TBC1D5: variants seen among roughly 807,000 people sequenced by gnomAD.
TBC1D5 encodes the protein TBC1 domain family, member 5.
In TBC1D5, 75 loss-of-function variants were observed where a neutral mutation model predicts 100.3. That is an observed-to-expected ratio of 0.75 (90% CI 0.62 to 0.91). TBC1D5 has a LOEUF of 0.91. Ranked by LOEUF, TBC1D5 falls within the 40% of genes least tolerant of loss-of-function variation. TBC1D5 has a pLI of 0.00. For missense variants in TBC1D5, 910 were observed against 942.4 expected (o/e 0.97, Z 0.45); for synonymous variants, 323 against 325.6 (o/e 0.99, Z 0.09).
At chr3:17,163,264 C>A (rs978571525) in intron 21 of TBC1D5, among the ~76,000 whole-genome samples, 4 of 138,506 alleles carry the variant, frequency 2.9e-5, no homozygotes, top group Admixed American at 7.2e-5. Flanking sequence ...GACCCCCCCC[C>A]CTTCCTTGCC....
intron 2 of TBC1D5, among the ~76,000 whole-genome samples, chr3:17,557,868 C>T (rs186108524): frequency 6.6e-5 from 10 of 152,242 alleles, no homozygotes; most frequent in African/African-American, 2.2e-4. Flanking sequence ...CACAGCTACA[C>T]ACCAGAACAA....
In TBC1D5 at chr3:17,682,422, G is replaced by A. The variant is rs563489010; in HGVS notation, c.-101+56921C>T. Among the ~76,000 whole-genome samples the A allele has an allele frequency of 3.2e-3, 482 of 151,468 alleles. 3 individuals are homozygous for A. Among genetic ancestry groups the A allele is most frequent in the Non-Finnish European group, 5.2e-3 (354 of 67,998 alleles). ...GTCACCTTGAAAATAGGTTCCAAAA[G>A]CCATAAAACATCAGAGTTATCATTT... On this transcript the variant is annotated intron_variant, in intron 1 of 21. Coordinates refer to ENST00000253692, the Ensembl canonical transcript of TBC1D5.
chr3:17,393,606 G>C (rs2093420525), intron 8 of TBC1D5, among the ~76,000 whole-genome samples: 2 of 152,094 alleles, frequency 1.3e-5, no homozygotes, highest in South Asian at 4.1e-4. Flanking sequence ...AAACAGCATG[G>C]TACTGGTACC....
chr3:17,238,562 T>A (rs1041340475), intron 16 of TBC1D5, 143 bp from the exon 17 acceptor site: 30 of 944,910 alleles, frequency 3.2e-5, no homozygotes, highest in Non-Finnish European at 4.2e-5. Context: ...AAGTGAAAAA[T>A]TTAAAGTTAC....
chr3:17,318,309 A>G (rs1203217237), intron 13 of TBC1D5, among the ~76,000 whole-genome samples: 1 of 151,912 alleles, frequency 6.6e-6, no homozygotes, highest in Non-Finnish European at 1.5e-5. Context: ...GCACACCAAC[A>G]TGGCACATGT....
chr3:17,407,004 G>C (rs924027722), intron 4 of TBC1D5, among the ~76,000 whole-genome samples: 8 of 152,038 alleles, frequency 5.3e-5, no homozygotes, highest in African/African-American at 1.9e-4. Flanking sequence ...TACTTTAACT[G>C]TTAGTGCTGC....
At position 17,497,087 on chromosome 3, in the gene TBC1D5, GACACACACACAC is replaced by G. The variant is rs71049202; in HGVS notation, c.97+11375_97+11386del. ...TCTCTCTTTCTTTCTCTCTCTCTCT[GACACACACACAC>G]ACACACACACACACACACACACACA... On this transcript the variant is annotated intron_variant, in intron 3 of 21. Coordinates refer to ENST00000253692, the Ensembl canonical transcript of TBC1D5. Among the ~76,000 whole-genome samples, 501 of 129,068 alleles carry G rather than the reference GACACACACACAC, an allele frequency of 3.9e-3. 2 individuals carry two copies. Among genetic ancestry groups the G allele is most frequent in the Middle Eastern group, 0.015 (4 of 266 alleles). The allele number at this position is 129,068 out of a possible 152,430, so 84.7% of individuals were successfully genotyped here. A position where few individuals can be genotyped will look rare whatever the true frequency, so the allele number is the denominator to read the frequency against.
At chr3:17,287,921 A>G (rs283916) in intron 15 of TBC1D5, among the ~76,000 whole-genome samples, 64,490 of 151,902 alleles carry the variant, frequency 0.42, 14,430 homozygotes, top group Middle Eastern at 0.5. Context: ...CAACACTACT[A>G]TCATATGAAA....
chr3:17,615,366 C>T (rs1376926129), intron 2 of TBC1D5, among the ~76,000 whole-genome samples: 1 of 152,106 alleles, frequency 6.6e-6, no homozygotes, highest in Non-Finnish European at 1.5e-5. Context: ...TATGTCTCTG[C>T]CAGGTGTTGG....
intron 1 of TBC1D5, among the ~76,000 whole-genome samples, chr3:17,702,897 A>G (rs561337147): frequency 6.6e-6 from 1 of 152,156 alleles, no homozygotes; most frequent in Non-Finnish European, 1.5e-5. Flanking sequence ...TAAAAGTATA[A>G]GCCATTCTGA....
At chr3:17,372,168 A>C in exon 13 of TBC1D5, 2 of 1,613,866 alleles carry the variant, frequency 1.2e-6, no homozygotes, top group Non-Finnish European at 1.7e-6. Context: ...GATCTGGTTG[A>C]CTTTAGTAAC....
intron 1 of TBC1D5, among the ~76,000 whole-genome samples, chr3:17,734,258 C>T (rs2076790233): frequency 6.6e-6 from 1 of 152,036 alleles, no homozygotes; most frequent in East Asian, 1.9e-4. Context: ...TATATACCTA[C>T]ATATATATGT....
At chr3:17,269,253 T>C (rs1209110237) in intron 15 of TBC1D5, among the ~76,000 whole-genome samples, 1 of 151,978 alleles carries the variant, frequency 6.6e-6, no homozygotes, top group African/African-American at 2.4e-5. Flanking sequence ...GAGGGGTCAG[T>C]GGGGAGAATG....
At chr3:17,345,755 T>C (rs2089770126) in intron 13 of TBC1D5, among the ~76,000 whole-genome samples, 1 of 152,062 alleles carries the variant, frequency 6.6e-6, no homozygotes, top group Non-Finnish European at 1.5e-5. Flanking sequence ...AAATGATGAG[T>C]TCATGTCCTT....
intron 16 of TBC1D5, among the ~76,000 whole-genome samples, chr3:17,254,767 G>GGGGGT (rs1553636736): frequency 6.7e-5 from 1 of 14,998 alleles, no homozygotes; most frequent in African/African-American, 8.2e-4. Flanking sequence ...TGGCGGGGGT[G>GGGGGT]GGGGGGGGGT....
rs1163567063 is a variant in TBC1D5 at position 17,442,345 on chromosome 3, T to TA, written c.98-13827dup. ...GGGCACCTAAAACTCTTAATAAGGC[T>TA]ACCCTTTTGATAAGAAAACTGCAGA... On this transcript the variant is annotated intron_variant, in intron 3 of 21. Coordinates refer to ENST00000253692, the Ensembl canonical transcript of TBC1D5. 3.3e-5 allele frequency among the ~76,000 whole-genome samples: 5 copies of TA among 152,346 alleles called. No individual in the cohort carries two copies. The East Asian group carries it at 5.8e-4, about 18-fold the overall frequency.
At chr3:17,677,722 A>C (rs2068833555) in intron 1 of TBC1D5, among the ~76,000 whole-genome samples, 1 of 152,170 alleles carries the variant, frequency 6.6e-6, no homozygotes, top group Admixed American at 6.5e-5. Flanking sequence ...CACTATTCAC[A>C]ATAGCAAAGA....
In TBC1D5 at chr3:17,508,250, T is replaced by C. The variant is rs112846549; in HGVS notation, c.97+224A>G. Reference sequence around the variant, plus strand: ...ATTATTTTATTTTAAAGAACGACAGTGCGTTAAACATTTGGCTAATGCTTC... The same window carrying C: ...ATTATTTTATTTTAAAGAACGACAGCGCGTTAAACATTTGGCTAATGCTTC... On this transcript the variant is annotated intron_variant, in intron 3 of 21. Coordinates refer to ENST00000253692, the Ensembl canonical transcript of TBC1D5. 6.7e-3 allele frequency among the ~76,000 whole-genome samples: 1,017 copies of C among 152,330 alleles called. 5 individuals carry two copies. The highest frequency in any genetic ancestry group is 0.023 in the African/African-American group (940 of 41,584).
chr3:17,258,568 A>T lies in TBC1D5; in HGVS notation c.1269T>A (p.Tyr423Ter). The T allele has an allele frequency of 6.2e-7, 1 of 1,612,944 alleles. No homozygotes were observed. Among genetic ancestry groups the T allele is most frequent in the Non-Finnish European group, 8.5e-7 (1 of 1,179,348 alleles). ...AATAATCTAAATTTGGATGGAATTG[A>T]TAAGTCACTGGTCTTGGATTTCTCT... Residue 423 changes from tyrosine to a stop codon, truncating the protein, a stop_gained, in exon 16 of 22, where the codon TAT becomes TAA. Transcript: ENST00000253692. LOFTEE classifies it high-confidence loss of function.
Sources: allele counts gnomAD v4.1 joint callset (sites outside exome capture counted in the v4.1 genomes callset), GRCh38; gene constraint gnomAD v4.1.1; transcripts MANE v1.5; gene names NCBI Gene and HGNC (gene_info 2026-07-23, HGNC 2026-07-21).